The following LAMA1 variants were observed in gnomAD, a reference collection of about 807,000 sequenced individuals.
LAMA1 encodes laminin subunit alpha-1.
In LAMA1, 219 loss-of-function variants were observed where a neutral mutation model predicts 348.7. That is an observed-to-expected ratio of 0.63 (90% CI 0.56 to 0.70). The LOEUF (loss-of-function observed/expected upper bound fraction) is 0.70. Among genes scored for constraint, LAMA1 ranks in the 30% least tolerant of loss-of-function variants. LAMA1 has a pLI of 0.00. For missense variants in LAMA1, 3,744 were observed against 3,888.0 expected (o/e 0.96, Z 0.99); for synonymous variants, 1,487 against 1,491.0 (o/e 1.00, Z 0.06).
At chr18:7,015,920 G>A in intron 21 of LAMA1, 62 bp from the exon 22 acceptor site, 2 of 1,589,444 alleles carry the variant, frequency 1.3e-6, no homozygotes, top group Non-Finnish European at 8.6e-7. Flanking sequence ...GCTAAGAGCT[G>A]ATGCTGTTAT....
intron 3 of LAMA1, among the ~76,000 whole-genome samples, chr18:7,054,386 AC>A (rs1488295487): frequency 6.7e-6 from 1 of 148,510 alleles, no homozygotes; most frequent in East Asian, 1.9e-4. Flanking sequence ...AAAATATCAC[AC>A]CCCTGTTTTA....
At chr18:7,011,887 G>A in intron 24 of LAMA1, 108 bp downstream of exon 24, 1 of 1,340,068 alleles carries the variant, frequency 7.5e-7, no homozygotes. Context: ...AATTTTGGAT[G>A]CCATAAGAGC....
intron 3 of LAMA1, among the ~76,000 whole-genome samples, chr18:7,067,898 G>A (rs902857065): frequency 1.3e-5 from 2 of 150,870 alleles, no homozygotes; most frequent in African/African-American, 2.4e-5. Flanking sequence ...TTGTTGCCCC[G>A]GCTGGAGTGC....
intron 3 of LAMA1, among the ~76,000 whole-genome samples, chr18:7,057,794 CTTTCTT>C (rs372345095): frequency 0.019 from 2,751 of 141,328 alleles, 88 homozygotes; most frequent in African/African-American, 0.071. Flanking sequence ...TTCTTTCTTT[CTTTCTT>C]TTTTTTTTTT....
At chr18:7,012,335 A>G (rs894635363) in intron 23 of LAMA1, among the ~76,000 whole-genome samples, 197 bp from the exon 24 acceptor site, 1 of 152,094 alleles carries the variant, frequency 6.6e-6, no homozygotes, top group Non-Finnish European at 1.5e-5. Context: ...TCAAACACAG[A>G]TGATTAACAG....
At chr18:7,068,704 T>C (rs942242091) in intron 3 of LAMA1, among the ~76,000 whole-genome samples, 33 of 152,170 alleles carry the variant, frequency 2.2e-4, no homozygotes, top group African/African-American at 8.0e-4. Context: ...GCTGAGGTTT[T>C]TATAAGCCAT....
chr18:7,108,119 C>T (rs138121940), intron 1 of LAMA1, among the ~76,000 whole-genome samples: 2,410 of 151,856 alleles, frequency 0.016, 63 homozygotes, highest in African/African-American at 0.055. Flanking sequence ...AGGTGGATCA[C>T]GAGGTCAGGA....
chr18:6,958,782 T>G, intron 54 of LAMA1, 120 bp from the exon 55 acceptor site: 1 of 844,742 alleles, frequency 1.2e-6, no homozygotes, highest in Admixed American at 2.2e-5. Context: ...AAAGGTTCAT[T>G]TTAACAAGAC....
intron 28 of LAMA1, 102 bp downstream of exon 28, chr18:7,008,386 A>T: frequency 7.7e-7 from 1 of 1,292,062 alleles, no homozygotes; most frequent in Middle Eastern, 1.9e-4. Context: ...GAAAAAAATG[A>T]TATAGTAGAT....
intron 3 of LAMA1, among the ~76,000 whole-genome samples, chr18:7,058,506 G>GA (rs1385683482): frequency 6.6e-6 from 1 of 152,192 alleles, no homozygotes; most frequent in Non-Finnish European, 1.5e-5. Context: ...CAGTAGCTCA[G>GA]AATATGGCTG....
chr18:7,108,791 G>C (rs1378067306), intron 1 of LAMA1, among the ~76,000 whole-genome samples: 1 of 152,072 alleles, frequency 6.6e-6, no homozygotes, highest in Non-Finnish European at 1.5e-5. Flanking sequence ...TGAAGCCAGG[G>C]GTGAAGTTGC....
At chr18:6,962,208 G>A (rs1455315136) in intron 51 of LAMA1, 149 bp from the exon 52 acceptor site, 3 of 693,588 alleles carry the variant, frequency 4.3e-6, no homozygotes, top group African/African-American at 1.8e-5. Context: ...GATTACCTAA[G>A]CCCACGAGTT....
chr18:7,049,281 G>A (rs1476827777), intron 4 of LAMA1, 24 bp from the exon 5 acceptor site: 1 of 1,584,642 alleles, frequency 6.3e-7, no homozygotes, highest in South Asian at 1.1e-5. Flanking sequence ...CATCAAAATA[G>A]ATGAATGTCA....
At chr18:7,072,425 C>T (rs2143767255) in intron 3 of LAMA1, among the ~76,000 whole-genome samples, 1 of 152,218 alleles carries the variant, frequency 6.6e-6, no homozygotes, top group African/African-American at 2.4e-5. Flanking sequence ...CACATCACAC[C>T]ACCAAAACCC....
rs572203736 is a variant in LAMA1, at chr18:7,088,486, CT to C, written c.62-8030del. Among the ~76,000 whole-genome samples, 317 of 152,100 alleles carry C rather than the reference CT, an allele frequency of 2.1e-3. 1 individual carries two copies. Among genetic ancestry groups the C allele is most frequent in the Non-Finnish European group, 2.3e-3 (158 of 67,980 alleles). On this transcript the variant is annotated intron_variant, in intron 1 of 62. Transcript: ENST00000389658. Reference sequence around the variant, plus strand: ...TCAACATACTTGGCTTTCTTTCTAACTTTTTTTGTTTTAAAAAATTATTTAT... The same window carrying C: ...TCAACATACTTGGCTTTCTTTCTAACTTTTTTGTTTTAAAAAATTATTTAT...
chr18:7,040,841 A>G (rs1205924685), intron 9 of LAMA1, among the ~76,000 whole-genome samples: 1 of 152,238 alleles, frequency 6.6e-6, no homozygotes, highest in Non-Finnish European at 1.5e-5. Flanking sequence ...GATACATGGT[A>G]CAACACGGAT....
At chr18:7,056,582 C>T (rs1015711825) in intron 3 of LAMA1, among the ~76,000 whole-genome samples, 1 of 152,164 alleles carries the variant, frequency 6.6e-6, no homozygotes, top group Admixed American at 6.6e-5. Context: ...AACTCCAGAG[C>T]CCTTCAGCCA....
chr18:6,961,989 AGT>A lies in LAMA1; in HGVS notation c.7406_7407del (p.Asp2469ValfsTer21). The A allele has an allele frequency of 1.2e-6, 2 of 1,614,232 alleles. No homozygotes were observed. Among genetic ancestry groups the A allele is most frequent in the Non-Finnish European group, 1.7e-6 (2 of 1,180,040 alleles). ...CTCACTCCATAGGAATTTCTGAGTA[AGT>A]CAAAGGTTGATCTGGATATTTCCAG... ...KNLEISRSTF[D>X]LLRNSYGVRK... On this transcript the variant is annotated frameshift_variant, in exon 52 of 63. Coordinates refer to ENST00000389658, the MANE Select transcript of LAMA1 (RefSeq NM_005559.4). LOFTEE classifies it high-confidence loss of function.
chr18:6,977,359 A>G (rs2057687228), intron 44 of LAMA1, among the ~76,000 whole-genome samples: 1 of 152,250 alleles, frequency 6.6e-6, no homozygotes, highest in Non-Finnish European at 1.5e-5. Flanking sequence ...TAAAACGAAG[A>G]ACTAACACCA....
Sources: gnomAD v4.1 joint callset for allele counts (sites outside exome capture counted in the v4.1 genomes callset) on GRCh38, gnomAD v4.1.1 for gene constraint, MANE v1.5 for transcripts, NCBI Gene and HGNC (gene_info 2026-07-23, HGNC 2026-07-21) for gene names.